The following FSTL4 variants were observed in gnomAD, a reference collection of about 807,000 sequenced individuals.
FSTL4 encodes follistatin-related protein 4.
FSTL4 carries 28 observed loss-of-function variants against 78.2 expected under a neutral mutation model. The ratio of observed to expected loss-of-function variants is 0.36; its 90% CI spans 0.27 to 0.49. The LOEUF is 0.49. FSTL4 is among the 20% of genes least tolerant of loss of function. FSTL4 has a pLI of 0.98. For synonymous variants in FSTL4, 422 were observed against 440.5 expected, an observed-to-expected ratio of 0.96 and a Z score of 0.53; for missense variants, 922 against 1,084.9, an observed-to-expected ratio of 0.85 and a Z score of 2.11.
At chr5:133,414,432 C>T (rs1729077988) in intron 3 of FSTL4, among the ~76,000 whole-genome samples, 2 of 152,072 alleles carry the variant, frequency 1.3e-5, no homozygotes, top group Non-Finnish European at 2.9e-5. Context: ...ATGCCTACCT[C>T]GGAAGGACCC....
At chr5:133,601,419 T>C (rs1481025231) in intron 2 of FSTL4, among the ~76,000 whole-genome samples, 6 of 152,050 alleles carry the variant, frequency 3.9e-5, no homozygotes, top group African/African-American at 1.5e-4. Flanking sequence ...AGAGACCAGG[T>C]GTGACCAAGA....
At chr5:133,339,060 T>C (rs769112284) in intron 4 of FSTL4, among the ~76,000 whole-genome samples, 1 of 152,148 alleles carries the variant, frequency 6.6e-6, no homozygotes, top group Non-Finnish European at 1.5e-5. Context: ...TGCCCTGTTA[T>C]GTCTCCAGCC....
At chr5:133,642,650 G>A in the FSTL4 span, among the ~76,000 whole-genome samples, 1 of 152,204 alleles carries the variant, frequency 6.6e-6, no homozygotes, top group South Asian at 2.1e-4. Flanking sequence ...GGGTGGAACT[G>A]CCAGCCTGTC....
intron 3 of FSTL4, among the ~76,000 whole-genome samples, chr5:133,514,143 C>G (rs1020059177): frequency 2.0e-5 from 3 of 150,402 alleles, no homozygotes; most frequent in Admixed American, 6.6e-5. Flanking sequence ...CGAGCCACTG[C>G]GTTCCAGCCT....
At chr5:133,245,267 A>C (rs1313834308) in intron 7 of FSTL4, among the ~76,000 whole-genome samples, 1 of 152,032 alleles carries the variant, frequency 6.6e-6, no homozygotes, top group Admixed American at 6.5e-5. Flanking sequence ...GAGGAGGAAG[A>C]CTCAGAAAAC....
Position 133,217,227 on chromosome 5 carries a change from AC to A in FSTL4, c.1608+1del. The A allele has an allele frequency of 6.2e-7, 1 of 1,612,768 alleles. No homozygotes were observed. Among genetic ancestry groups the A allele is most frequent in the Non-Finnish European group, 8.5e-7 (1 of 1,179,138 alleles). ...TTTCCTCACTCCATTAAAGAGGTGT[AC>A]CTGTAGGACTTTCTGGGCTTGGATG... On this transcript the variant is annotated splice_donor_variant, in intron 13 of 15. Coordinates refer to ENST00000265342, the MANE Select transcript of FSTL4 (RefSeq NM_015082.2). LOFTEE classifies it high-confidence loss of function.
chr5:133,608,400 G>A (rs10071351), intron 1 of FSTL4, among the ~76,000 whole-genome samples: 6,241 of 152,286 alleles, frequency 0.041, 211 homozygotes, highest in African/African-American at 0.096. Context: ...CCCCAGTCAG[G>A]AGAACCTGGT....
the FSTL4 span, among the ~76,000 whole-genome samples, chr5:133,761,008 A>C: frequency 1.3e-5 from 2 of 152,328 alleles, no homozygotes; most frequent in East Asian, 3.9e-4. Flanking sequence ...CACAGACTTC[A>C]TCCCGTTAGA....
intron 3 of FSTL4, among the ~76,000 whole-genome samples, chr5:133,519,757 C>A (rs767128705): frequency 1.3e-5 from 2 of 152,164 alleles, no homozygotes; most frequent in African/African-American, 2.4e-5. Flanking sequence ...CAATCAGGAA[C>A]AAGAAATCAA....
At chr5:133,509,574 T>C (rs1382985957) in intron 3 of FSTL4, among the ~76,000 whole-genome samples, 2 of 152,234 alleles carry the variant, frequency 1.3e-5, no homozygotes, top group African/African-American at 4.8e-5. Flanking sequence ...TCACTCTCGC[T>C]ATTTAAATGG....
At chr5:133,265,787 C>T (rs1239707979) in intron 6 of FSTL4, among the ~76,000 whole-genome samples, 1 of 152,186 alleles carries the variant, frequency 6.6e-6, no homozygotes, top group African/African-American at 2.4e-5. Flanking sequence ...CCTGATGCCA[C>T]TGACAGGCCT....
Position 133,233,479 on chromosome 5 carries a change from T to C in FSTL4, c.953A>G (p.Asn318Ser), listed in dbSNP as rs758937620. 6 of 1,614,002 alleles carry C rather than the reference T, an allele frequency of 3.7e-6. No homozygotes were observed. Among genetic ancestry groups the C allele is most frequent in the Non-Finnish European group, 5.1e-6 (6 of 1,179,972 alleles). The change falls in exon 8 of 16, where the codon AAT becomes AGT. Residue 318 changes from asparagine to serine, a missense_variant. Physicochemically the swap from Asn to Ser is conservative, Grantham distance 46. Transcript: ENST00000265342. ...ITKVTTIHMGNYTCHASGHEQ... is the reference protein window; with the variant it reads ...ITKVTTIHMGSYTCHASGHEQ... ...GTGGCCGGAAGCATGGCAGGTGTAA[T>C]TGCCCATGTGGATGGTGGTCACCTT...
chr5:133,604,584 C>A (rs1388063911), intron 1 of FSTL4, among the ~76,000 whole-genome samples: 1 of 152,134 alleles, frequency 6.6e-6, no homozygotes, highest in African/African-American at 2.4e-5. Flanking sequence ...TAGCAGGCAC[C>A]TGTAATTCCA....
At chr5:133,691,021 G>A in the FSTL4 span, among the ~76,000 whole-genome samples, 40 of 152,240 alleles carry the variant, frequency 2.6e-4, no homozygotes, top group South Asian at 6.0e-3. Context: ...CTCTGAGCTC[G>A]CAATCATAAT....
chr5:133,838,898 C>T, the FSTL4 span, among the ~76,000 whole-genome samples: 1 of 152,196 alleles, frequency 6.6e-6, no homozygotes, highest in African/African-American at 2.4e-5. Context: ...AAGGAGACAT[C>T]ACACGCATGG....
chr5:133,297,064 A>C lies in FSTL4; in HGVS notation c.727+15590T>G, dbSNP rs144868158. ...GAAGTCTTCCAGAGTTCATAATTGC[A>C]CCCTTTGATGGAAGGCATTTTGAAA... On this transcript the variant is annotated intron_variant, in intron 6 of 15. Transcript: ENST00000265342. Among the ~76,000 whole-genome samples the C allele has an allele frequency of 1.3e-3, 205 of 152,088 alleles. 2 individuals are homozygous for C. The highest frequency in any genetic ancestry group is 4.8e-3 in the African/African-American group (201 of 41,468).
intron 3 of FSTL4, among the ~76,000 whole-genome samples, chr5:133,466,785 G>A (rs1043963517): frequency 3.3e-5 from 5 of 152,344 alleles, no homozygotes; most frequent in Admixed American, 2.0e-4. Context: ...GTGAAATTGA[G>A]ATAAGTCCTA....
the FSTL4 span, among the ~76,000 whole-genome samples, chr5:133,747,786 C>T: frequency 1.6e-4 from 25 of 152,316 alleles, no homozygotes; most frequent in South Asian, 4.1e-4. Flanking sequence ...ACCTCACCTA[C>T]GTCCTGAGGG....
At chr5:133,565,375 C>T (rs1351167663) in intron 3 of FSTL4, among the ~76,000 whole-genome samples, 3 of 152,196 alleles carry the variant, frequency 2.0e-5, no homozygotes, top group Admixed American at 6.5e-5. Context: ...TTAGAACCAG[C>T]CGGCAAGGTC....
Sources: allele counts gnomAD v4.1 joint callset (sites outside exome capture counted in the v4.1 genomes callset), GRCh38; gene constraint gnomAD v4.1.1; transcripts MANE v1.5; gene names NCBI Gene and HGNC (gene_info 2026-07-23, HGNC 2026-07-21).